Variants in CUL5 observed in about 807,000 individuals in gnomAD.
CUL5 encodes cullin 5.
CUL5 carries 26 observed loss-of-function variants against 108.8 expected under a neutral mutation model. The observed-to-expected ratio is 0.24, with a 90% CI of 0.18 to 0.33. The LOEUF is 0.33. Among genes scored for constraint, CUL5 ranks in the 10% least tolerant of loss-of-function variants. CUL5 has a pLI of 1.00. For missense variants in CUL5, 524 were observed against 909.2 expected (o/e 0.58, Z 5.45); for synonymous variants, 334 against 298.0 (o/e 1.12, Z -1.25).
intron 13 of CUL5, among the ~76,000 whole-genome samples, chr11:108,093,771 A>C (rs1455251814): frequency 1.3e-5 from 2 of 152,216 alleles, no homozygotes; most frequent in African/African-American, 4.8e-5. Context: ...GCAGTGACAC[A>C]ATCAGAGCTT....
In CUL5 at chr11:108,049,940, T is replaced by C; in HGVS notation, c.285T>C (p.Val95=). ...DDTALLKAYI[V]EWRKFFTQCD... is the part of the protein sequence containing the mutation. Reference sequence around the variant, plus strand: ...CGGCTTTGCTAAAAGCATATATTGTTGAATGGCGAAAGTTCTTTACACAAT... The same window carrying C: ...CGGCTTTGCTAAAAGCATATATTGTCGAATGGCGAAAGTTCTTTACACAAT... The change falls in exon 4 of 19, where the codon GTT becomes GTC. Residue 95 remains valine, a synonymous_variant. Transcript: ENST00000393094. 1.2e-6 allele frequency: 2 copies of C among 1,613,902 alleles called. No homozygotes were observed. Among genetic ancestry groups the C allele is most frequent in the Non-Finnish European group, 1.7e-6 (2 of 1,179,882 alleles).
intron 4 of CUL5, among the ~76,000 whole-genome samples, chr11:108,051,342 C>T (rs528725554): frequency 2.0e-5 from 3 of 152,202 alleles, no homozygotes; most frequent in African/African-American, 7.2e-5. Context: ...AATTCTGGGG[C>T]CACAGTTTTT....
chr11:108,048,147 A>C (rs1418810904), intron 3 of CUL5, among the ~76,000 whole-genome samples: 1 of 149,170 alleles, frequency 6.7e-6, no homozygotes, highest in South Asian at 2.1e-4. Flanking sequence ...GAATCATTTT[A>C]CTTAGGCAAT....
At chr11:108,038,984 G>T (rs1483613144) in intron 2 of CUL5, among the ~76,000 whole-genome samples, 2 of 150,710 alleles carry the variant, frequency 1.3e-5, no homozygotes, top group Non-Finnish European at 3.0e-5. Context: ...TCTGCATGTT[G>T]TGCAATATTT....
intron 7 of CUL5, 151 bp from the exon 8 acceptor site, chr11:108,069,945 C>T (rs542098218): frequency 1.9e-5 from 9 of 466,062 alleles, no homozygotes; most frequent in Admixed American, 7.1e-5. Context: ...TATAGCATAT[C>T]CATCTTCAAT....
At position 108,009,378 on chromosome 11, in the gene CUL5, AC is replaced by A. The variant is rs1315128130; in HGVS notation, c.24+9del. On this transcript the variant is annotated splice_region_variant and intron_variant, in intron 1 of 18. Transcript: ENST00000393094. ...CGACGTCTAATCTGTTAAAGGTAAG[AC>A]CCTCACTCCAGCTTGGGTTTTACTG... The A allele has an allele frequency of 1.2e-5, 20 of 1,613,354 alleles. No individual in the cohort carries two copies. In the African/African-American group the frequency reaches 2.0e-4, roughly 16 times the overall value.
intron 7 of CUL5, among the ~76,000 whole-genome samples, chr11:108,056,288 A>G (rs1280746038): frequency 6.6e-6 from 1 of 152,226 alleles, no homozygotes; most frequent in Non-Finnish European, 1.5e-5. Flanking sequence ...TCTCAGGAAT[A>G]ACATTCTAGC....
At chr11:108,071,887 A>G (rs1343298271) in intron 8 of CUL5, among the ~76,000 whole-genome samples, 1 of 152,100 alleles carries the variant, frequency 6.6e-6, no homozygotes, top group Non-Finnish European at 1.5e-5. Context: ...TTTTAAACAT[A>G]ATTTTTAGAC....
At chr11:108,091,624 G>T (rs546621686) in intron 13 of CUL5, among the ~76,000 whole-genome samples, 1 of 148,866 alleles carries the variant, frequency 6.7e-6, no homozygotes, top group African/African-American at 2.5e-5. Context: ...GTGAGGTGGA[G>T]GTTGCATTGA....
chr11:108,058,604 T>G (rs1863458768), intron 7 of CUL5, among the ~76,000 whole-genome samples: 1 of 151,398 alleles, frequency 6.6e-6, no homozygotes, highest in Non-Finnish European at 1.5e-5. Context: ...AGTGTATTGG[T>G]GGTGGTAATG....
intron 7 of CUL5, among the ~76,000 whole-genome samples, chr11:108,055,875 C>T (rs1454150746): frequency 6.6e-6 from 1 of 152,200 alleles, no homozygotes; most frequent in Non-Finnish European, 1.5e-5. Flanking sequence ...AGGTGATCCA[C>T]CTGCCTTGGC....
At chr11:108,058,456 G>A (rs1016247224) in intron 7 of CUL5, among the ~76,000 whole-genome samples, 3 of 151,512 alleles carry the variant, frequency 2.0e-5, no homozygotes, top group Non-Finnish European at 1.5e-5. Flanking sequence ...CACCGTGTTA[G>A]CCAGGATGGT....
rs183971731 is a variant in CUL5, at chr11:108,090,285, G to A, written c.1443+662G>A. Among the ~76,000 whole-genome samples the A allele has an allele frequency of 3.7e-3, 564 of 152,100 alleles. 2 individuals are homozygous for A. Among genetic ancestry groups the A allele is most frequent in the African/African-American group, 0.013 (536 of 41,496 alleles). ...AGGTGGATCACAAGGTCAGGAGATC[G>A]AGACCATCCTGGCTAACACAGTGAA... On this transcript the variant is annotated intron_variant, in intron 13 of 18. Coordinates refer to ENST00000393094, the MANE Select transcript of CUL5 (RefSeq NM_003478.6).
intron 1 of CUL5, among the ~76,000 whole-genome samples, chr11:108,024,008 C>T (rs544641869): frequency 5.9e-5 from 9 of 152,138 alleles, no homozygotes; most frequent in Non-Finnish European, 1.2e-4. Flanking sequence ...ATAATTGTCA[C>T]TAAATTTTTA....
chr11:108,012,745 C>G (rs1008054287), intron 1 of CUL5, among the ~76,000 whole-genome samples: 16 of 151,930 alleles, frequency 1.1e-4, no homozygotes, highest in South Asian at 2.1e-4. Flanking sequence ...TACAGGCACA[C>G]GCCACCACAC....
In CUL5 at chr11:108,089,486, A is replaced by G. The variant is rs898830230; in HGVS notation, c.1312-6A>G. The G allele has an allele frequency of 4.6e-6, 7 of 1,538,348 alleles. No individual in the cohort carries two copies. Among genetic ancestry groups the G allele is most frequent in the Non-Finnish European group, 6.1e-6 (7 of 1,148,122 alleles). On this transcript the variant is annotated splice_region_variant and splice_polypyrimidine_tract_variant and intron_variant, in intron 12 of 18. Transcript: ENST00000393094. ...AGAACTGAAAGTAACTTTATTTTTCATACAGCTCTTGGTACTTAAGTATGT... is the reference window on the plus strand; with the variant it reads ...AGAACTGAAAGTAACTTTATTTTTCGTACAGCTCTTGGTACTTAAGTATGT...
chr11:108,087,849 C>T (rs576268482), intron 11 of CUL5, among the ~76,000 whole-genome samples: 1 of 152,108 alleles, frequency 6.6e-6, no homozygotes, highest in East Asian at 1.9e-4. Context: ...CCTGTAATCC[C>T]GGCTGCTCTG....
At chr11:108,011,773 G>T (rs904935066) in intron 1 of CUL5, among the ~76,000 whole-genome samples, 1 of 151,992 alleles carries the variant, frequency 6.6e-6, no homozygotes, top group Admixed American at 6.6e-5. Context: ...GACTACAGGC[G>T]CACGCCACCA....
In CUL5 at chr11:108,048,108, C is replaced by T. The variant is rs180701212; in HGVS notation, c.234+1739C>T. Reference sequence around the variant, plus strand: ...GACCCATCTTAAAAAGATTTTTAAACGCTTAAGAAATTTTTTTTTTTTTTT... The same window carrying T: ...GACCCATCTTAAAAAGATTTTTAAATGCTTAAGAAATTTTTTTTTTTTTTT... On this transcript the variant is annotated intron_variant, in intron 3 of 18. Transcript: ENST00000393094. Among the ~76,000 whole-genome samples the T allele has an allele frequency of 2.3e-3, 341 of 151,034 alleles. 4 individuals carry two copies. Among genetic ancestry groups the T allele is most frequent in the African/African-American group, 7.2e-3 (297 of 41,150 alleles).
Sources: gnomAD v4.1 joint callset for allele counts (sites outside exome capture counted in the v4.1 genomes callset) on GRCh38, gnomAD v4.1.1 for gene constraint, MANE v1.5 for transcripts, NCBI Gene and HGNC (gene_info 2026-07-23, HGNC 2026-07-21) for gene names.